TCF12: variants seen among roughly 807,000 people sequenced by gnomAD.
TCF12 encodes transcription factor 12.
TCF12 carries 45 observed loss-of-function variants against 86.0 expected under a neutral mutation model. The ratio of observed to expected loss-of-function variants is 0.52; its 90% CI spans 0.41 to 0.67. TCF12 has a LOEUF of 0.67. Ranked by LOEUF, TCF12 falls within the 30% of genes least tolerant of loss-of-function variation. The pLI is 0.00. For synonymous variants in TCF12, 330 were observed against 299.6 expected, an observed-to-expected ratio of 1.10 and a Z score of -1.05; for missense variants, 881 against 859.9, an observed-to-expected ratio of 1.02 and a Z score of -0.31.
chr15:57,186,351 T>A (rs2056664551), intron 6 of TCF12, among the ~76,000 whole-genome samples: 2 of 152,058 alleles, frequency 1.3e-5, no homozygotes, highest in South Asian at 4.1e-4. Flanking sequence ...ATTTTAAAAT[T>A]AACCGAGTGT....
chr15:57,163,255 A>T (rs1194894302), intron 5 of TCF12, among the ~76,000 whole-genome samples: 1 of 152,204 alleles, frequency 6.6e-6, no homozygotes, highest in East Asian at 1.9e-4. Context: ...TTGTTTATTG[A>T]TATGATACAT....
chr15:57,187,032 T>G (rs1290345732), intron 6 of TCF12, among the ~76,000 whole-genome samples: 1 of 151,980 alleles, frequency 6.6e-6, no homozygotes, highest in Admixed American at 6.5e-5. Context: ...AATACAAAAA[T>G]TAGCCAGGCG....
intron 5 of TCF12, among the ~76,000 whole-genome samples, chr15:57,123,926 G>A (rs934228563): frequency 5.0e-5 from 7 of 141,198 alleles, no homozygotes; most frequent in Admixed American, 3.0e-4. Context: ...GCCGAGATGC[G>A]CCACTGCACT....
chr15:56,948,450 T>C (rs924618705), intron 3 of TCF12, among the ~76,000 whole-genome samples: 2 of 152,238 alleles, frequency 1.3e-5, no homozygotes, highest in African/African-American at 4.8e-5. Flanking sequence ...AGTTTTCTTT[T>C]CTTTCTTTGA....
chr15:57,131,691 C>G (rs1204829059), intron 5 of TCF12, among the ~76,000 whole-genome samples: 1 of 152,120 alleles, frequency 6.6e-6, no homozygotes, highest in East Asian at 1.9e-4. Context: ...CTGAAGATGA[C>G]TAGACAGAGC....
chr15:56,936,039 C>G (rs576597338), intron 3 of TCF12, among the ~76,000 whole-genome samples: 66 of 152,198 alleles, frequency 4.3e-4, no homozygotes, highest in African/African-American at 1.5e-3. Context: ...AATGGTAGTT[C>G]TACTTTTAGT....
intron 3 of TCF12, among the ~76,000 whole-genome samples, chr15:56,952,763 A>T (rs1407401544): frequency 1.3e-5 from 2 of 152,196 alleles, no homozygotes; most frequent in East Asian, 3.8e-4. Context: ...CTTTCTGTAG[A>T]TTCCATTCCA....
At chr15:56,969,802 A>G (rs548196862) in intron 3 of TCF12, among the ~76,000 whole-genome samples, 1 of 152,262 alleles carries the variant, frequency 6.6e-6, no homozygotes, top group East Asian at 1.9e-4. Context: ...AGATAATGCA[A>G]ATTTAATCTG....
chr15:57,080,459 C>G (rs1397503684), intron 4 of TCF12, among the ~76,000 whole-genome samples: 1 of 152,124 alleles, frequency 6.6e-6, no homozygotes, highest in Non-Finnish European at 1.5e-5. Context: ...CTGTTGATTT[C>G]AGAGATCTAG....
chr15:57,191,890 T>C (rs551211788), intron 6 of TCF12, among the ~76,000 whole-genome samples: 1 of 150,944 alleles, frequency 6.6e-6, no homozygotes, highest in East Asian at 2.0e-4. Context: ...GCTGAGATCT[T>C]ACCACTACAC....
chr15:56,961,301 A>T (rs183048073), intron 3 of TCF12, among the ~76,000 whole-genome samples: 1 of 152,230 alleles, frequency 6.6e-6, no homozygotes, highest in African/African-American at 2.4e-5. Context: ...CAATAGAAAT[A>T]TATACCGTTT....
In TCF12 at chr15:57,212,390, C is replaced by G. The variant is rs572400016; in HGVS notation, c.579+14565C>G. 2.0e-5 allele frequency among the ~76,000 whole-genome samples: 3 copies of G among 152,162 alleles called. No homozygotes were observed. In the South Asian group the frequency reaches 6.2e-4, roughly 32 times the overall value. ...GCATGAACTCCTGGGCTGAAGCGAT[C>G]CTCCCACCTCAGTCTCCTAGGTAGC... On this transcript the variant is annotated intron_variant, in intron 8 of 20. Transcript: ENST00000333725.
intron 5 of TCF12, among the ~76,000 whole-genome samples, chr15:57,101,634 T>C (rs940677662): frequency 2.0e-5 from 3 of 152,210 alleles, no homozygotes; most frequent in Admixed American, 6.5e-5. Flanking sequence ...CACACACATA[T>C]ATATATGGTT....
At chr15:56,930,525 T>C (rs1248529853) in intron 3 of TCF12, among the ~76,000 whole-genome samples, 1 of 152,202 alleles carries the variant, frequency 6.6e-6, no homozygotes, top group African/African-American at 2.4e-5. Context: ...TTTTAGAAAA[T>C]GTTTTTTAGT....
chr15:57,030,671 A>G (rs1362974039), intron 3 of TCF12, among the ~76,000 whole-genome samples: 1 of 152,132 alleles, frequency 6.6e-6, no homozygotes, highest in Non-Finnish European at 1.5e-5. Flanking sequence ...ACACTATAGA[A>G]ATTTCAGTTT....
intron 8 of TCF12, among the ~76,000 whole-genome samples, chr15:57,214,962 A>G (rs2058272553): frequency 2.0e-5 from 3 of 152,168 alleles, no homozygotes; most frequent in Admixed American, 1.3e-4. Flanking sequence ...TTGATTTTAG[A>G]TCAATAACAC....
chr15:56,920,502 G>GTGTGTGTA (rs2140164028), intron 2 of TCF12, among the ~76,000 whole-genome samples: 1 of 151,660 alleles, frequency 6.6e-6, no homozygotes, highest in South Asian at 2.1e-4. Context: ...GTGTGTGTGT[G>GTGTGTGTA]TGTGTGTATT....
At chr15:57,030,503 A>G (rs1280585765) in intron 3 of TCF12, among the ~76,000 whole-genome samples, 1 of 152,134 alleles carries the variant, frequency 6.6e-6, no homozygotes, top group Non-Finnish European at 1.5e-5. Context: ...AAATGCTGGG[A>G]TTATAGGAAA....
intron 4 of TCF12, among the ~76,000 whole-genome samples, chr15:57,086,692 C>G (rs1459463725): frequency 1.1e-5 from 1 of 91,810 alleles, no homozygotes; most frequent in Admixed American, 1.4e-4. Context: ...CAAAGAGCCT[C>G]TTTCCCTCCC....
Sources: allele counts gnomAD v4.1 joint callset (sites outside exome capture counted in the v4.1 genomes callset), GRCh38; gene constraint gnomAD v4.1.1; transcripts MANE v1.5; gene names NCBI Gene and HGNC (gene_info 2026-07-23, HGNC 2026-07-21).